Variants in CNTNAP5 observed in about 807,000 individuals in gnomAD.
CNTNAP5 encodes contactin associated protein family member 5, also known as contactin-associated protein-like 5.
A neutral mutation model predicts 150.2 loss-of-function variants in CNTNAP5; 72 were observed. That is an observed-to-expected ratio of 0.48 (90% CI 0.40 to 0.58). The LOEUF (loss-of-function observed/expected upper bound fraction) is 0.58, where lower values mean the gene tolerates loss of function less well. Ranked by LOEUF, CNTNAP5 falls within the 20% of genes least tolerant of loss-of-function variation. CNTNAP5 has a pLI of 0.00. For missense variants in CNTNAP5, 1,636 were observed against 1,626.2 expected (o/e 1.01, Z -0.10); for synonymous variants, 672 against 619.8 (o/e 1.08, Z -1.25).
intron 17 of CNTNAP5, among the ~76,000 whole-genome samples, chr2:124,786,557 GAA>G (rs1202856012): frequency 2.7e-5 from 4 of 150,680 alleles, no homozygotes; most frequent in Non-Finnish European, 4.4e-5. Flanking sequence ...AGGAAAGAAA[GAA>G]AGAAGACAGA....
chr2:124,854,848 A>G (rs998077693), intron 19 of CNTNAP5, among the ~76,000 whole-genome samples: 6 of 152,170 alleles, frequency 3.9e-5, no homozygotes, highest in African/African-American at 1.4e-4. Flanking sequence ...TGGTGAAAAG[A>G]AAGATGTTAT....
intron 3 of CNTNAP5, among the ~76,000 whole-genome samples, chr2:124,375,963 G>C (rs1242863557): frequency 2.0e-5 from 3 of 151,994 alleles, no homozygotes; most frequent in Non-Finnish European, 4.4e-5. Flanking sequence ...TGGAACCAAA[G>C]GTCATTCCAG....
At chr2:124,218,826 G>A (rs1686229471) in intron 1 of CNTNAP5, among the ~76,000 whole-genome samples, 1 of 152,046 alleles carries the variant, frequency 6.6e-6, no homozygotes, top group Non-Finnish European at 1.5e-5. Flanking sequence ...CAATTTTACT[G>A]GTTCGCTGTA....
chr2:124,911,373 T>C, intron 22 of CNTNAP5, 94 bp from the exon 23 acceptor site: 2 of 842,880 alleles, frequency 2.4e-6, no homozygotes, highest in Non-Finnish European at 4.0e-6. Context: ...CCTGGTGTAA[T>C]GCACAGGTGT....
chr2:124,477,774 T>C (rs1290053841), intron 7 of CNTNAP5, among the ~76,000 whole-genome samples: 1 of 151,960 alleles, frequency 6.6e-6, no homozygotes, highest in African/African-American at 2.4e-5. Flanking sequence ...TCAGTTTCCT[T>C]GAGTCCAATC....
intron 3 of CNTNAP5, among the ~76,000 whole-genome samples, chr2:124,407,582 AG>A (rs1016932397): frequency 7.9e-5 from 12 of 152,182 alleles, no homozygotes; most frequent in African/African-American, 2.9e-4. Flanking sequence ...CACAGGGGAA[AG>A]GGAGATGGCA....
chr2:124,032,374 T>G (rs933509561), intron 1 of CNTNAP5, among the ~76,000 whole-genome samples: 2 of 152,136 alleles, frequency 1.3e-5, no homozygotes, highest in African/African-American at 4.8e-5. Flanking sequence ...GCTATGGAGA[T>G]TCATTGAATG....
intron 19 of CNTNAP5, among the ~76,000 whole-genome samples, chr2:124,813,056 G>GT (rs1558785980): frequency 7.9e-5 from 12 of 151,224 alleles, no homozygotes; most frequent in Non-Finnish European, 1.6e-4. Flanking sequence ...GTCAGCTCTG[G>GT]GTTTTTTTTG....
chr2:124,485,631 A>AAAAAAAAAAAAAAAAAAAAAAAAG (rs1457112306), intron 7 of CNTNAP5, among the ~76,000 whole-genome samples: 1 of 134,262 alleles, frequency 7.4e-6, no homozygotes, highest in African/African-American at 3.1e-5. Flanking sequence ...AAAAAAAAAA[A>AAAAAAAAAAAAAAAAAAAAAAAAG]AAAGAAGAAG....
rs143024175 is a variant in CNTNAP5 at position 124,674,554 on chromosome 2, C to T, written c.2077+26596C>T. Among the ~76,000 whole-genome samples the T allele has an allele frequency of 6.2e-3, 383 of 61,394 alleles. 4 individuals are homozygous for T. Among genetic ancestry groups the T allele is most frequent in the Admixed American group, 0.034 (179 of 5,258 alleles). 40.3% of individuals were successfully genotyped at this position (61,394 alleles called of 152,430 possible). A position where few individuals can be genotyped will look rare whatever the true frequency, so the allele number is the denominator to read the frequency against. ...TTCTTTCTTTCTTTCTTTCTTTCTTCCTTTCTTCCTTTCTTTCTTTCTTTT... is the reference window on the plus strand; with the variant it reads ...TTCTTTCTTTCTTTCTTTCTTTCTTTCTTTCTTCCTTTCTTTCTTTCTTTT... On this transcript the variant is annotated intron_variant, in intron 13 of 23. Coordinates refer to ENST00000682447, the MANE Select transcript of CNTNAP5 (RefSeq NM_001367498.1).
intron 19 of CNTNAP5, among the ~76,000 whole-genome samples, chr2:124,831,021 T>A (rs1205900874): frequency 3.9e-5 from 6 of 152,056 alleles, no homozygotes; most frequent in Non-Finnish European, 8.8e-5. Context: ...AAATCAGTAT[T>A]TTTAGATAAC....
At chr2:124,643,491 A>AG (rs1275307861) in intron 12 of CNTNAP5, among the ~76,000 whole-genome samples, 2 of 150,830 alleles carry the variant, frequency 1.3e-5, no homozygotes, top group African/African-American at 4.9e-5. Context: ...CTATAGTGGA[A>AG]AAAAAAAACT....
intron 4 of CNTNAP5, among the ~76,000 whole-genome samples, chr2:124,431,188 A>G (rs549813013): frequency 1.2e-3 from 177 of 152,280 alleles, no homozygotes; most frequent in African/African-American, 4.2e-3. Context: ...GAGATAACCT[A>G]TGTCCCTTTG....
chr2:124,063,815 C>T (rs1301962101), intron 1 of CNTNAP5, among the ~76,000 whole-genome samples: 3 of 152,078 alleles, frequency 2.0e-5, no homozygotes, highest in South Asian at 2.1e-4. Flanking sequence ...AAGGTGGGCA[C>T]AGGACATTCC....
Position 124,287,073 on chromosome 2 carries a change from C to T in CNTNAP5, c.381+44680C>T, listed in dbSNP as rs557232337. 3.9e-5 allele frequency among the ~76,000 whole-genome samples: 6 copies of T among 152,262 alleles called. No homozygotes were observed. In the South Asian group the frequency reaches 8.3e-4, roughly 21 times the overall value. On this transcript the variant is annotated intron_variant, in intron 3 of 23. Coordinates refer to ENST00000682447, the MANE Select transcript of CNTNAP5 (RefSeq NM_001367498.1). ...CATGCAATACTTACCAGAACAGCAG[C>T]CACAGTCTGACTCCCACTCGCTCAA...
chr2:124,142,952 A>G (rs1038247712), intron 1 of CNTNAP5, among the ~76,000 whole-genome samples: 42 of 129,018 alleles, frequency 3.3e-4, no homozygotes, highest in Non-Finnish European at 6.3e-4. Flanking sequence ...AAAATGATAA[A>G]GGGGATATCA....
At chr2:124,185,258 C>A (rs1573819157) in intron 1 of CNTNAP5, among the ~76,000 whole-genome samples, 1 of 152,180 alleles carries the variant, frequency 6.6e-6, no homozygotes, top group African/African-American at 2.4e-5. Flanking sequence ...CTGAGCCCTG[C>A]ACAAGGTTCC....
chr2:124,179,160 A>T (rs193057004), intron 1 of CNTNAP5, among the ~76,000 whole-genome samples: 302 of 149,960 alleles, frequency 2.0e-3, no homozygotes, highest in African/African-American at 6.7e-3. Context: ...TATTATTATT[A>T]TTTTTTTTAA....
chr2:124,293,184 T>A (rs1343424398), intron 3 of CNTNAP5, among the ~76,000 whole-genome samples: 1 of 152,074 alleles, frequency 6.6e-6, no homozygotes, highest in Non-Finnish European at 1.5e-5. Context: ...TCATCTCTCA[T>A]ATGGTGTTTA....
Sources: gnomAD v4.1 joint callset for allele counts (sites outside exome capture counted in the v4.1 genomes callset) on GRCh38, gnomAD v4.1.1 for gene constraint, MANE v1.5 for transcripts, NCBI Gene and HGNC (gene_info 2026-07-23, HGNC 2026-07-21) for gene names.